DIO2: variants seen among roughly 807,000 people sequenced by gnomAD.
DIO2 encodes iodothyronine deiodinase 2, also known as type II iodothyronine deiodinase.
A neutral mutation model predicts 21.4 loss-of-function variants in DIO2; 19 were observed. The observed-to-expected ratio is 0.89, with a 90% confidence interval of 0.62 to 1.30. The LOEUF (loss-of-function observed/expected upper bound fraction) is 1.30, where lower values mean the gene tolerates loss of function less well. Ranked by LOEUF, DIO2 falls within the 50% of genes most tolerant of loss-of-function variation. The probability of loss-of-function intolerance (pLI) is 0.00; values close to 1 mark genes in which losing one functional copy is unlikely to be tolerated. For synonymous variants in DIO2, 122 were observed against 132.9 expected (o/e 0.92, Z 0.57); for missense variants, 302 against 338.1 (o/e 0.89, Z 0.84).
intron 2 of DIO2, among the ~76,000 whole-genome samples, chr14:80,222,340 A>G (rs1427174619): frequency 1.3e-5 from 2 of 152,260 alleles, no homozygotes; most frequent in Non-Finnish European, 2.9e-5. Context: ...ATGAAATAAA[A>G]ATGAGTAAGA....
intron 2 of DIO2, chr14:80,219,461 G>C (rs1888420488): frequency 6.7e-6 from 1 of 149,150 alleles, no homozygotes; most frequent in South Asian, 2.1e-4. Flanking sequence ...GCTTACATTA[G>C]AAAATCTACT....
chr14:80,207,679 T>C (rs1170005405), intron 1 of DIO2, among the ~76,000 whole-genome samples: 1 of 152,194 alleles, frequency 6.6e-6, no homozygotes, highest in Non-Finnish European at 1.5e-5. Flanking sequence ...GATTTAACCA[T>C]TTATATTCAG....
chr14:80,211,739 T>C (rs1176996903), upstream of DIO2: 2 of 125,018 alleles, frequency 1.6e-5, no homozygotes, highest in African/African-American at 7.6e-5. Flanking sequence ...GCTGCCTTTT[T>C]TTTTTTTTTT....
At chr14:80,207,381 A>G (rs1887993592) in intron 1 of DIO2, among the ~76,000 whole-genome samples, 1 of 152,220 alleles carries the variant, frequency 6.6e-6, no homozygotes, top group Non-Finnish European at 1.5e-5. Flanking sequence ...CAGAAAATAC[A>G]GCATATACTA....
chr14:80,207,948 G>A (rs1045156398), intron 1 of DIO2, among the ~76,000 whole-genome samples: 9 of 152,164 alleles, frequency 5.9e-5, no homozygotes, highest in Admixed American at 4.6e-4. Context: ...TGAAGAGGAG[G>A]AGGAGAATGT....
chr14:80,221,018 A>T lies in DIO2; in HGVS notation c.-277-4281T>A, dbSNP rs28491844. 7.4e-4 allele frequency among the ~76,000 whole-genome samples: 112 copies of T among 152,176 alleles called. 2 individuals are homozygous for T. Among genetic ancestry groups the T allele is most frequent in the African/African-American group, 2.4e-3 (100 of 41,464 alleles). Reference sequence around the variant, plus strand: ...AAACAGTTAAATCCTGAGATTTTTTAAAAAAACTTTTTATCATGGAAAAAT... The same window carrying T: ...AAACAGTTAAATCCTGAGATTTTTTTAAAAAACTTTTTATCATGGAAAAAT... On this transcript the variant is annotated intron_variant, in intron 2 of 4. Transcript: ENST00000553594.
upstream of DIO2, among the ~76,000 whole-genome samples, chr14:80,214,337 T>C (rs2140012920): frequency 6.6e-6 from 1 of 152,334 alleles, no homozygotes; most frequent in Non-Finnish European, 1.5e-5. Context: ...AGTATGTTTG[T>C]AAATGGCAAG....
intron 1 of DIO2, among the ~76,000 whole-genome samples, chr14:80,204,625 A>G (rs541408350): frequency 1.6e-4 from 24 of 152,318 alleles, no homozygotes; most frequent in Non-Finnish European, 3.4e-4. Context: ...TGATTTTTAT[A>G]TACTATCCTT....
chr14:80,204,493 C>A (rs563183322), intron 1 of DIO2, among the ~76,000 whole-genome samples: 1 of 152,178 alleles, frequency 6.6e-6, no homozygotes, highest in East Asian at 1.9e-4. Context: ...GTAAATTGAT[C>A]ATAAAAAGCA....
chr14:80,225,811 C>T (rs1888564130), intron 2 of DIO2, among the ~76,000 whole-genome samples: 1 of 152,092 alleles, frequency 6.6e-6, no homozygotes, highest in South Asian at 2.1e-4. Flanking sequence ...CTTAATGGTG[C>T]AGTAGACTGA....
chr14:80,223,898 C>T (rs1888517710), intron 2 of DIO2, among the ~76,000 whole-genome samples: 1 of 152,156 alleles, frequency 6.6e-6, no homozygotes, highest in Admixed American at 6.5e-5. Flanking sequence ...TGTGACCAAC[C>T]TTGATTAAAT....
At position 80,198,460 on chromosome 14, in the gene DIO2, G is replaced by GCAGCCTT. The variant is rs1397240189; in HGVS notation, c.*4222_*4228dup. ...TCCTAAAGTCACTCAATGACTTGCAGCAGCCTTCAGCCTTCCTTCAGTTGC... is the reference window on the plus strand; with the variant it reads ...TCCTAAAGTCACTCAATGACTTGCAGCAGCCTTCAGCCTTCAGCCTTCCTTCAGTTGC... On this transcript the variant is annotated 3_prime_UTR_variant, in exon 2 of 2. Coordinates refer to ENST00000438257, the MANE Select transcript of DIO2 (RefSeq NM_013989.5). 6.6e-6 allele frequency: 1 copy of GCAGCCTT among 152,638 alleles called. No homozygotes were observed. The highest frequency in any genetic ancestry group is 2.4e-5 in the African/African-American group (1 of 41,440). 9.5% of individuals were successfully genotyped at this position (152,638 alleles called of 1,614,324 possible). A position where few individuals can be genotyped will look rare whatever the true frequency, so the allele number is the denominator to read the frequency against.
upstream of DIO2, chr14:80,211,526 C>T: frequency 1.2e-6 from 1 of 834,248 alleles, no homozygotes. Flanking sequence ...CCTTCACCCT[C>T]TTATTTAAAA....
At chr14:80,218,316 T>C (rs951259362) in intron 2 of DIO2, among the ~76,000 whole-genome samples, 1 of 152,116 alleles carries the variant, frequency 6.6e-6, no homozygotes, top group African/African-American at 2.4e-5. Flanking sequence ...CTTAACTTGA[T>C]GGAAACTTTG....
upstream of DIO2, chr14:80,212,211 A>T (rs751295323): frequency 6.6e-6 from 1 of 151,870 alleles, no homozygotes; most frequent in Non-Finnish European, 1.5e-5. Flanking sequence ...CCTTTTATAC[A>T]TTCCCTGGCT....
chr14:80,219,841 G>C (rs1363506340), intron 2 of DIO2, among the ~76,000 whole-genome samples: 2 of 152,138 alleles, frequency 1.3e-5, no homozygotes, highest in East Asian at 3.9e-4. Flanking sequence ...TCATTCACGT[G>C]GTATTTGATA....
chr14:80,224,206 T>C (rs1427823179), intron 2 of DIO2, among the ~76,000 whole-genome samples: 1 of 152,130 alleles, frequency 6.6e-6, no homozygotes, highest in Non-Finnish European at 1.5e-5. Flanking sequence ...TGAAGCAAAT[T>C]GCCAAAGGTC....
intron 2 of DIO2, among the ~76,000 whole-genome samples, chr14:80,217,597 C>G (rs1174429535): frequency 6.6e-6 from 1 of 152,128 alleles, no homozygotes; most frequent in African/African-American, 2.4e-5. Flanking sequence ...TAGATGGACA[C>G]TGGGAGTCTT....
chr14:80,213,659 G>A (rs367647511), upstream of DIO2, among the ~76,000 whole-genome samples: 34 of 152,228 alleles, frequency 2.2e-4, no homozygotes, highest in South Asian at 2.5e-3. Context: ...CATTGAGGAC[G>A]TCCTGAATGA....
Sources: allele counts gnomAD v4.1 joint callset (sites outside exome capture counted in the v4.1 genomes callset), GRCh38; gene constraint gnomAD v4.1.1; transcripts MANE v1.5; gene names NCBI Gene and HGNC (gene_info 2026-07-23, HGNC 2026-07-21).